The following LAMA3 variants were observed in gnomAD, a reference collection of about 807,000 sequenced individuals.
LAMA3 encodes the protein laminin subunit alpha-3.
Under a neutral mutation model 402.0 loss-of-function variants are expected in LAMA3, and 281 were observed. That is an observed-to-expected ratio of 0.70 (90% CI 0.63 to 0.77). The LOEUF is 0.77. LAMA3 is among the 30% of genes least tolerant of loss of function. LAMA3 has a pLI of 0.00. For missense variants in LAMA3, 3,840 were observed against 4,215.5 expected, an observed-to-expected ratio of 0.91 and a Z score of 2.47; for synonymous variants, 1,431 against 1,558.4, an observed-to-expected ratio of 0.92 and a Z score of 1.93.
At chr18:23,768,391 C>T (rs2062124808) in intron 8 of LAMA3, among the ~76,000 whole-genome samples, 1 of 152,200 alleles carries the variant, frequency 6.6e-6, no homozygotes, top group Non-Finnish European at 1.5e-5. Flanking sequence ...TGAAAAAATG[C>T]TCCATATCAC....
Position 23,867,882 on chromosome 18 carries a change from G to A in LAMA3, c.4732G>A (p.Asp1578Asn), listed in dbSNP as rs764587285. The A allele has an allele frequency of 4.3e-6, 7 of 1,614,112 alleles. No individual in the cohort carries two copies. In the African/African-American group the frequency reaches 5.3e-5, roughly 12 times the overall value. Residue 1578 changes from aspartate (D) to asparagine (N), a missense_variant, in exon 37 of 75, where the codon GAC becomes AAC. Physicochemically the swap from Asp to Asn is conservative, Grantham distance 23. Around this residue, in one of 3 missense-constraint regions of LAMA3, gnomAD observed 2,109 missense variants for 2,376.0 expected, o/e 0.89. Coordinates refer to ENST00000313654, the MANE Select transcript of LAMA3 (RefSeq NM_198129.4). ...TGAGGAGACAAACACCCCACGGCCA[G>A]ACCGGCTGCATCATGGACGAGTGCA... is the stretch of plus-strand genomic sequence containing the variant. ...IYEETNTPRP[D>N]RLHHGRVHVV...
intron 35 of LAMA3, among the ~76,000 whole-genome samples, chr18:23,863,054 A>T (rs967507802): frequency 2.0e-5 from 3 of 152,214 alleles, no homozygotes; most frequent in African/African-American, 7.2e-5. Flanking sequence ...AGCTCAAGAC[A>T]GAAGCTGCAG....
intron 38 of LAMA3, among the ~76,000 whole-genome samples, chr18:23,872,415 A>T (rs1414161181): frequency 6.6e-6 from 1 of 152,218 alleles, no homozygotes; most frequent in African/African-American, 2.4e-5. Context: ...AGATCAGGGC[A>T]AAAGCACAAC....
At chr18:23,909,783 A>G (rs1427941114) in intron 55 of LAMA3, among the ~76,000 whole-genome samples, 2 of 152,216 alleles carry the variant, frequency 1.3e-5, no homozygotes, top group Non-Finnish European at 2.9e-5. Flanking sequence ...ATTTGCTTGA[A>G]TTACTGACAC....
intron 38 of LAMA3, among the ~76,000 whole-genome samples, chr18:23,872,162 C>T (rs1395947850): frequency 6.6e-6 from 1 of 152,220 alleles, no homozygotes; most frequent in Non-Finnish European, 1.5e-5. Flanking sequence ...TGAGCCCCTG[C>T]TTTCCCAATA....
At position 23,698,203 on chromosome 18, in the gene LAMA3, T is replaced by C. The variant is rs7504217; in HGVS notation, c.294+8226T>C. Among the ~76,000 whole-genome samples, 4 of 114,650 alleles carry C rather than the reference T, an allele frequency of 3.5e-5. No individual in the cohort carries two copies. The South Asian group carries it at 1.3e-3, about 38-fold the overall frequency. The allele number at this position is 114,650 out of a possible 152,430, so 75.2% of individuals were successfully genotyped here. On this transcript the variant is annotated intron_variant, in intron 1 of 74. Coordinates refer to ENST00000313654, the MANE Select transcript of LAMA3 (RefSeq NM_198129.4). ...AACCAGCCTGTTTCTCTTCTTCTTC[T>C]TTTTTTTTTTTTTTTTTTTTTGAGA...
chr18:23,850,402 TA>T (rs1479787770), intron 32 of LAMA3, among the ~76,000 whole-genome samples: 1 of 152,256 alleles, frequency 6.6e-6, no homozygotes, highest in Non-Finnish European at 1.5e-5. Flanking sequence ...GTTGGAACCA[TA>T]AAACTGAGCC....
At chr18:23,763,618 C>T (rs1598743069) in intron 8 of LAMA3, 95 bp downstream of exon 8, 2 of 835,386 alleles carry the variant, frequency 2.4e-6, no homozygotes, top group Admixed American at 3.4e-5. Context: ...AAGTGGCAGG[C>T]AATCGTAAGA....
intron 55 of LAMA3, among the ~76,000 whole-genome samples, chr18:23,910,340 A>G (rs2081387168): frequency 6.6e-6 from 1 of 152,106 alleles, no homozygotes. Flanking sequence ...TACCAACCTC[A>G]TGAGATTGTT....
chr18:23,835,543 G>A (rs1381955356), intron 24 of LAMA3, among the ~76,000 whole-genome samples: 1 of 152,122 alleles, frequency 6.6e-6, no homozygotes, highest in Admixed American at 6.5e-5. Flanking sequence ...CCTGCTTTAG[G>A]AGTTTCTATC....
Position 23,901,035 on chromosome 18 carries a change from G to T in LAMA3, c.6005-92G>T, listed in dbSNP as rs1019733634. The T allele has an allele frequency of 1.8e-6, 2 of 1,139,392 alleles. 1 individual carries two copies. Among genetic ancestry groups the T allele is most frequent in the East Asian group, 4.9e-5 (2 of 40,818 alleles). 70.6% of individuals were successfully genotyped at this position (1,139,392 alleles called of 1,614,324 possible). On this transcript the variant is annotated intron_variant, in intron 47 of 74. Coordinates refer to ENST00000313654, the MANE Select transcript of LAMA3 (RefSeq NM_198129.4). ...CAAAGTTCAAGGAAAACCATGAAAT[G>T]AGTAGAAACTCGATTCTCCCTTTGT...
intron 1 of LAMA3, among the ~76,000 whole-genome samples, chr18:23,711,072 G>T (rs765474844): frequency 6.6e-6 from 1 of 152,108 alleles, no homozygotes; most frequent in Non-Finnish European, 1.5e-5. Flanking sequence ...AGTTGTTTTT[G>T]TAGATTCTTT....
chr18:23,862,661 C>T (rs1450575855), intron 35 of LAMA3, among the ~76,000 whole-genome samples: 1 of 152,188 alleles, frequency 6.6e-6, no homozygotes, highest in South Asian at 2.1e-4. Flanking sequence ...ATATGACGGG[C>T]CCATGTGTTG....
chr18:23,754,954 T>C (rs565767870), intron 6 of LAMA3, among the ~76,000 whole-genome samples: 122 of 152,362 alleles, frequency 8.0e-4, no homozygotes, highest in African/African-American at 2.9e-3. Flanking sequence ...ATGTGCGTTG[T>C]GGGGCCCTTC....
chr18:23,733,634 A>G (rs1408191879), intron 2 of LAMA3, among the ~76,000 whole-genome samples: 1 of 152,204 alleles, frequency 6.6e-6, no homozygotes, highest in Non-Finnish European at 1.5e-5. Flanking sequence ...TTTCGCAAAG[A>G]AGGAGCTTTT....
chr18:23,912,139 G>GT (rs35301452), intron 55 of LAMA3, among the ~76,000 whole-genome samples: 95,515 of 140,306 alleles, frequency 0.68, 36,830 homozygotes, highest in Non-Finnish European at 0.89. Context: ...GATATATATA[G>GT]TTTTTTTTTT....
intron 8 of LAMA3, among the ~76,000 whole-genome samples, chr18:23,763,959 A>G (rs1370066244): frequency 6.6e-6 from 1 of 152,210 alleles, no homozygotes; most frequent in East Asian, 1.9e-4. Context: ...TAGACATCAA[A>G]TATGAAACAC....
intron 1 of LAMA3, 107 bp from the exon 2 acceptor site, chr18:23,713,813 T>G (rs2061040709): frequency 2.1e-6 from 2 of 947,874 alleles, no homozygotes; most frequent in Non-Finnish European, 3.2e-6. Flanking sequence ...CTGTATAAGA[T>G]AGTCTTTGTT....
At chr18:23,855,717 C>T (rs2064061948) in intron 32 of LAMA3, among the ~76,000 whole-genome samples, 1 of 152,122 alleles carries the variant, frequency 6.6e-6, no homozygotes, top group African/African-American at 2.4e-5. Flanking sequence ...GATCCTCTCC[C>T]AGAGTTTACA....
Sources: allele counts gnomAD v4.1 joint callset (sites outside exome capture counted in the v4.1 genomes callset), GRCh38; gene constraint gnomAD v4.1.1; regional missense constraint gnomAD v4.1.1; transcripts MANE v1.5; gene names NCBI Gene and HGNC (gene_info 2026-07-23, HGNC 2026-07-21).